CYP20A1: variants seen among roughly 807,000 people sequenced by gnomAD.
CYP20A1 encodes the protein cytochrome P450 20A1.
A neutral mutation model predicts 61.4 loss-of-function variants in CYP20A1; 61 were observed. That is an observed-to-expected ratio of 0.99 (90% confidence interval 0.81 to 1.23). The LOEUF (loss-of-function observed/expected upper bound fraction) is 1.23. Ranked by LOEUF, CYP20A1 falls within the 50% of genes most tolerant of loss-of-function variation. The pLI is 0.00. For missense variants in CYP20A1, 530 were observed against 542.4 expected (o/e 0.98, Z 0.23); for synonymous variants, 193 against 188.2 (o/e 1.03, Z -0.21).
At chr2:203,284,675 A>G (rs2068190634) in intron 8 of CYP20A1, among the ~76,000 whole-genome samples, 3 of 151,844 alleles carry the variant, frequency 2.0e-5, no homozygotes, top group Non-Finnish European at 4.4e-5. Context: ...CTACTGAACC[A>G]GAATTTGTGA....
At chr2:203,276,171 C>T (rs971228015) in intron 6 of CYP20A1, among the ~76,000 whole-genome samples, 2 of 152,144 alleles carry the variant, frequency 1.3e-5, no homozygotes, top group Admixed American at 6.6e-5. Flanking sequence ...TAGGACTCTG[C>T]TGCTGTATTT....
Position 203,289,781 on chromosome 2 carries a change from C to A in CYP20A1, c.988C>A (p.Leu330Ile). 6.4e-7 allele frequency: 1 copy of A among 1,562,558 alleles called. No homozygotes were observed. Among genetic ancestry groups the A allele is most frequent in the East Asian group, 2.3e-5 (1 of 42,716 alleles). Residue 330 changes from leucine to isoleucine, a missense_variant, in exon 10 of 13, where the codon CTT (leucine) becomes ATT (isoleucine). Leu to Ile is a conservative substitution (Grantham distance 5, BLOSUM62 2). Coordinates refer to ENST00000356079, the MANE Select transcript of CYP20A1 (RefSeq NM_177538.3). Reference protein sequence around the residue: ...IEQLRYCQHVLCETVRTAKLT... With the variant: ...IEQLRYCQHVICETVRTAKLT... ...TTAAAACAGATATTGTCAGCATGTG[C>A]TTTGTGAAACTGTTCGAACTGCCAA...
chr2:203,289,055 C>T (rs2068422374), intron 9 of CYP20A1, among the ~76,000 whole-genome samples: 1 of 152,144 alleles, frequency 6.6e-6, no homozygotes, highest in African/African-American at 2.4e-5. Flanking sequence ...GTTTATACTT[C>T]CACCAATTGG....
At chr2:203,253,713 C>G (rs559510534) in intron 4 of CYP20A1, among the ~76,000 whole-genome samples, 3 of 152,222 alleles carry the variant, frequency 2.0e-5, no homozygotes, top group African/African-American at 7.2e-5. Context: ...AAAACAAGAA[C>G]TGGTTAAATA....
At chr2:203,281,946 T>G (rs2068059607) in intron 8 of CYP20A1, among the ~76,000 whole-genome samples, 1 of 152,148 alleles carries the variant, frequency 6.6e-6, no homozygotes, top group Non-Finnish European at 1.5e-5. Context: ...TCCCATAAAT[T>G]TTTCTTCTTT....
At chr2:203,251,308 T>A (rs994852226) in intron 3 of CYP20A1, among the ~76,000 whole-genome samples, 1 of 151,610 alleles carries the variant, frequency 6.6e-6, no homozygotes, top group Non-Finnish European at 1.5e-5. Context: ...CACAAACTTA[T>A]CCATTTTGCT....
At chr2:203,282,722 T>C (rs1334645900) in intron 8 of CYP20A1, among the ~76,000 whole-genome samples, 1 of 152,056 alleles carries the variant, frequency 6.6e-6, no homozygotes, top group East Asian at 1.9e-4. Context: ...TTTGAGAGAG[T>C]AGATAAATAA....
In CYP20A1 at chr2:203,302,987, G is replaced by T. The variant is rs763247077; in HGVS notation, c.*6079G>T. The stretch of plus-strand genomic sequence containing the variant: ...ATTACAAGCATGAGCCACCGCGCTC[G>T]GTCCCTTTCTTTTTATTTATTTATT... On this transcript the variant is annotated 3_prime_UTR_variant, in exon 13 of 13. Transcript: ENST00000356079. Among the ~76,000 whole-genome samples the T allele has an allele frequency of 2.6e-5, 4 of 151,448 alleles. No homozygotes were observed. The highest frequency in any genetic ancestry group is 2.0e-4 in the East Asian group (1 of 5,126).
Position 203,296,917 on chromosome 2 carries a change from ACATT to A in CYP20A1, c.*10_*13del. The stretch of plus-strand genomic sequence containing the variant: ...TCTCAAAGAGATATTAAAATTTTAT[ACATT>A]TAAAATCATTGTTAAATTGATTGAG... On this transcript the variant is annotated 3_prime_UTR_variant, in exon 13 of 13. Transcript: ENST00000356079. 6.8e-7 allele frequency: 1 copy of A among 1,476,228 alleles called. No individual in the cohort carries two copies. The highest frequency in any genetic ancestry group is 9.2e-7 in the Non-Finnish European group (1 of 1,085,782). 91.4% of individuals were successfully genotyped at this position (1,476,228 alleles called of 1,614,324 possible). A position where few individuals can be genotyped will look rare whatever the true frequency, so the allele number is the denominator to read the frequency against.
chr2:203,254,108 AG>A (rs140452651), intron 4 of CYP20A1, among the ~76,000 whole-genome samples: 135,532 of 151,590 alleles, frequency 0.89, 61,416 homozygotes, highest in Non-Finnish European at 0.96. Flanking sequence ...CACCATGCCC[AG>A]CTCATTTTTT....
intron 5 of CYP20A1, 38 bp downstream of exon 5, chr2:203,266,719 C>T: frequency 6.3e-7 from 1 of 1,578,022 alleles, no homozygotes; most frequent in Non-Finnish European, 8.7e-7. Flanking sequence ...CTCTTTCAGG[C>T]TGGGCACGGC....
intron 4 of CYP20A1, among the ~76,000 whole-genome samples, chr2:203,253,142 G>A (rs1047683950): frequency 3.3e-5 from 5 of 152,122 alleles, no homozygotes; most frequent in Non-Finnish European, 5.9e-5. Context: ...CAGACTATTC[G>A]GCACACCCCA....
At chr2:203,239,366 C>A (rs1316051503) in intron 1 of CYP20A1, among the ~76,000 whole-genome samples, 1 of 152,024 alleles carries the variant, frequency 6.6e-6, no homozygotes, top group African/African-American at 2.4e-5. Flanking sequence ...CCGGGCCAGG[C>A]GGGCGTAGAG....
chr2:203,265,021 G>A (rs765017109), intron 4 of CYP20A1, among the ~76,000 whole-genome samples: 2 of 152,136 alleles, frequency 1.3e-5, no homozygotes, highest in Non-Finnish European at 2.9e-5. Context: ...GAGCCACTGC[G>A]CCTGACCTCT....
chr2:203,292,102 G>A (rs549957792), intron 10 of CYP20A1, among the ~76,000 whole-genome samples, 160 bp from the exon 11 acceptor site: 1 of 152,126 alleles, frequency 6.6e-6, no homozygotes. Flanking sequence ...CTTCCTCATT[G>A]TAAGATCACC....
intron 11 of CYP20A1, among the ~76,000 whole-genome samples, chr2:203,294,726 C>G (rs1016425350): frequency 1.3e-5 from 2 of 151,114 alleles, no homozygotes; most frequent in Non-Finnish European, 2.9e-5. Flanking sequence ...CCTCCGCCTC[C>G]CGGGTTCAAG....
chr2:203,262,095 C>T (rs2067160073), intron 4 of CYP20A1, among the ~76,000 whole-genome samples: 1 of 152,146 alleles, frequency 6.6e-6, no homozygotes, highest in Non-Finnish European at 1.5e-5. Context: ...AGCAGGGGAA[C>T]AAAGAAGCAA....
chr2:203,278,487 A>G (rs554150802), intron 6 of CYP20A1, 86 bp from the exon 7 acceptor site: 2 of 534,090 alleles, frequency 3.7e-6, no homozygotes, highest in South Asian at 4.2e-5. Flanking sequence ...TTTTCTTCAT[A>G]TAGTAACATT....
chr2:203,256,169 ATG>A (rs2066887134), intron 4 of CYP20A1, among the ~76,000 whole-genome samples: 1 of 35,246 alleles, frequency 2.8e-5, no homozygotes, highest in Non-Finnish European at 7.5e-5. Context: ...GTGTCTCATT[ATG>A]TTTCCTAGGC....
Sources: allele counts gnomAD v4.1 joint callset (sites outside exome capture counted in the v4.1 genomes callset), GRCh38; gene constraint gnomAD v4.1.1; transcripts MANE v1.5; gene names NCBI Gene and HGNC (gene_info 2026-07-23, HGNC 2026-07-21).